Variants in H2AZ1 observed in about 807,000 individuals in gnomAD.
H2AZ1 encodes H2A.Z variant histone 1, also known as histone H2A.Z.
In H2AZ1, 3 loss-of-function variants were observed where a neutral mutation model predicts 16.6. The ratio of observed to expected loss-of-function variants is 0.18; its 90% confidence interval spans 0.08 to 0.47. The LOEUF is 0.47. Among genes scored for constraint, H2AZ1 ranks in the 20% least tolerant of loss-of-function variants. H2AZ1 has a pLI of 0.98. For missense variants in H2AZ1, 27 were observed against 163.6 expected (o/e 0.17, Z 4.55); for synonymous variants, 78 against 60.7 (o/e 1.28, Z -1.32).
intron 2 of H2AZ1, 56 bp from the exon 3 acceptor site, chr4:99,949,442 G>C (rs764001955): frequency 9.0e-6 from 11 of 1,220,062 alleles, no homozygotes; most frequent in Non-Finnish European, 1.3e-5. Flanking sequence ...CTAGAGATGG[G>C]GAAATTATAT....
At position 99,950,275 on chromosome 4, in the gene H2AZ1, C is replaced by T. The variant is rs1003079407; in HGVS notation, c.-105G>A. The T allele has an allele frequency of 2.9e-6, 3 of 1,033,476 alleles. No homozygotes were observed. The highest frequency in any genetic ancestry group is 4.4e-6 in the Non-Finnish European group (3 of 675,636). The allele number at this position is 1,033,476 out of a possible 1,614,324, so 64.0% of individuals were successfully genotyped here. On this transcript the variant is annotated 5_prime_UTR_variant, in exon 1 of 5. Transcript: ENST00000296417. ...CTTCGTCGCACCGCGATTCAAACTG[C>T]GCTGTCTCCCGCCTTCCCTGCTCCC...
chr4:99,948,884 A>C lies in H2AZ1; in HGVS notation c.252T>G (p.Pro84=), dbSNP rs1374733032. 1 of 1,613,610 alleles carries C rather than the reference A, an allele frequency of 6.2e-7. No homozygotes were observed. The highest frequency in any genetic ancestry group is 8.5e-7 in the Non-Finnish European group (1 of 1,179,530). ...SKDLKVKRIT[P]RHLQLAIRGD... is the part of the protein sequence containing the mutation. Reference sequence around the variant, plus strand: ...CACGAATAGCAAGTTGCAAGTGACGAGGGGTAATACGCTTTACCTTTAAGT... The same window carrying C: ...CACGAATAGCAAGTTGCAAGTGACGCGGGGTAATACGCTTTACCTTTAAGT... Residue 84 remains proline (P), a synonymous_variant, in exon 4 of 5, where the codon CCT becomes CCG. Coordinates refer to ENST00000296417, the MANE Select transcript of H2AZ1 (RefSeq NM_002106.4).
rs777545759 is a variant in H2AZ1, at chr4:99,949,321, C to A, written c.147G>T (p.Ala49=). The A allele has an allele frequency of 6.2e-7, 1 of 1,613,168 alleles. No homozygotes were observed. The highest frequency in any genetic ancestry group is 1.1e-5 in the South Asian group (1 of 91,070). Residue 49 remains alanine, a synonymous_variant, in exon 3 of 5, where the codon GCG becomes GCT. Transcript: ENST00000296417. ...SRTTSHGRVG[A]TAAVYSAAIL... is the part of the protein sequence containing the mutation. ...TGGCTGCGCTGTACACAGCGGCAGT[C>A]GCGCCCACACGTCCATGACTGGTCG...
At position 99,950,257 on chromosome 4, in the gene H2AZ1, G is replaced by T. The variant is rs1404036233; in HGVS notation, c.-87C>A. 3.1e-6 allele frequency: 4 copies of T among 1,282,124 alleles called. No individual in the cohort carries two copies. The highest frequency in any genetic ancestry group is 2.9e-5 in the African/African-American group (2 of 69,204). The allele number at this position is 1,282,124 out of a possible 1,614,324, so 79.4% of individuals were successfully genotyped here. ...AGATCCCACCACCTACTCCTTCGTC[G>T]CACCGCGATTCAAACTGCGCTGTCT... On this transcript the variant is annotated 5_prime_UTR_variant, in exon 1 of 5. Transcript: ENST00000296417.
chr4:99,948,418 T>TA lies in H2AZ1; in HGVS notation c.*43dup, dbSNP rs769645467. On this transcript the variant is annotated 3_prime_UTR_variant, in exon 5 of 5. Transcript: ENST00000296417. ...GGAATCACCAACACTGGACAGCTGT[T>TA]AGAGTATTTAGAGTCCTGAGATAAC... 76 of 1,068,660 alleles carry TA rather than the reference T, an allele frequency of 7.1e-5. 1 individual carries two copies. Among genetic ancestry groups the TA allele is most frequent in the East Asian group, 5.2e-4 (22 of 42,412 alleles). The allele number at this position is 1,068,660 out of a possible 1,614,324, so 66.2% of individuals were successfully genotyped here.
At position 99,949,160 on chromosome 4, in the gene H2AZ1, G is replaced by T; in HGVS notation, c.195+113C>A. On this transcript the variant is annotated intron_variant, in intron 3 of 4. Transcript: ENST00000296417. ...CCAGCTCCCTCTAGCGTTCTCTTAGGCCTCTCGCCGCGTTCAGGGCCTGGG... is the reference window on the plus strand; with the variant it reads ...CCAGCTCCCTCTAGCGTTCTCTTAGTCCTCTCGCCGCGTTCAGGGCCTGGG... 1.5e-5 allele frequency: 10 copies of T among 682,438 alleles called. 1 individual carries two copies. The Middle Eastern group carries it at 1.8e-3, about 123-fold the overall frequency. The allele number at this position is 682,438 out of a possible 1,614,324, so 42.3% of individuals were successfully genotyped here.
chr4:99,948,960 A>G lies in H2AZ1; in HGVS notation c.196-20T>C. 1.4e-6 allele frequency: 2 copies of G among 1,412,268 alleles called. No homozygotes were observed. The highest frequency in any genetic ancestry group is 1.2e-5 in the South Asian group (1 of 86,120). The allele number at this position is 1,412,268 out of a possible 1,614,324, so 87.5% of individuals were successfully genotyped here. On this transcript the variant is annotated intron_variant, in intron 3 of 4. Coordinates refer to ENST00000296417, the MANE Select transcript of H2AZ1 (RefSeq NM_002106.4). Reference sequence around the variant, plus strand: ...AAGTACCTAAAAGGCAGAATCTGTCAGTTGCCTTCCAACTTTCCTTTGGCC... The same window carrying G: ...AAGTACCTAAAAGGCAGAATCTGTCGGTTGCCTTCCAACTTTCCTTTGGCC...
intron 1 of H2AZ1, 22 bp downstream of exon 1, chr4:99,950,146 C>T (rs542816803): frequency 1.2e-6 from 2 of 1,608,058 alleles, no homozygotes; most frequent in Non-Finnish European, 1.7e-6. Context: ...GCGGAGTCAT[C>T]GAGCGTCTCT....
rs1263536050 is a variant in H2AZ1, at chr4:99,950,245, T to A, written c.-75A>T. 7.1e-7 allele frequency: 1 copy of A among 1,408,722 alleles called. No homozygotes were observed. The highest frequency in any genetic ancestry group is 9.9e-7 in the Non-Finnish European group (1 of 1,006,036). The allele number at this position is 1,408,722 out of a possible 1,614,324, so 87.3% of individuals were successfully genotyped here. A position where few individuals can be genotyped will look rare whatever the true frequency, so the allele number is the denominator to read the frequency against. ...GGACCCACGGTGAGATCCCACCACC[T>A]ACTCCTTCGTCGCACCGCGATTCAA... On this transcript the variant is annotated 5_prime_UTR_variant, in exon 1 of 5. Transcript: ENST00000296417.
Position 99,950,203 on chromosome 4 carries a change from C to CAGAG in H2AZ1, c.-37_-34dup. 6.2e-7 allele frequency: 1 copy of CAGAG among 1,605,062 alleles called. No homozygotes were observed. Among genetic ancestry groups the CAGAG allele is most frequent in the Non-Finnish European group, 8.5e-7 (1 of 1,175,446 alleles). The stretch of plus-strand genomic sequence containing the variant: ...TCCGCTGAAGCTCAAGCAAGCAAGG[C>CAGAG]AGAGAAAAGGCTAATCGGACCCACG... On this transcript the variant is annotated 5_prime_UTR_variant, in exon 1 of 5. Transcript: ENST00000296417.
chr4:99,949,752 A>C lies in H2AZ1; in HGVS notation c.4-12T>G. On this transcript the variant is annotated splice_polypyrimidine_tract_variant and intron_variant, in intron 1 of 4. Coordinates refer to ENST00000296417, the MANE Select transcript of H2AZ1 (RefSeq NM_002106.4). ...GCCTTACCGCCAGCCTGCGGCGCGC[A>C]CACGCCCGCGAGCGGAGGAGGAACG... 1 of 1,602,598 alleles carries C rather than the reference A, an allele frequency of 6.2e-7. No individual in the cohort carries two copies. Among genetic ancestry groups the C allele is most frequent in the Non-Finnish European group, 8.5e-7 (1 of 1,173,550 alleles).
chr4:99,948,374 C>G lies in H2AZ1; in HGVS notation c.*88G>C, dbSNP rs1727183825. 1 of 870,900 alleles carries G rather than the reference C, an allele frequency of 1.1e-6. No individual in the cohort carries two copies. Among genetic ancestry groups the G allele is most frequent in the African/African-American group, 1.7e-5 (1 of 60,264 alleles). 53.9% of individuals were successfully genotyped at this position (870,900 alleles called of 1,614,324 possible). Reference sequence around the variant, plus strand: ...TACAAAAAGGCAAAATTGTGTTTTTCACAGAGATACAGTCCACTGGAATCA... The same window carrying G: ...TACAAAAAGGCAAAATTGTGTTTTTGACAGAGATACAGTCCACTGGAATCA... On this transcript the variant is annotated 3_prime_UTR_variant, in exon 5 of 5. Transcript: ENST00000296417.
Position 99,948,152 on chromosome 4 carries a change from T to C in H2AZ1, c.*310A>G, listed in dbSNP as rs1301286731. ...GAAATAATGTCTGTACAAAACCAAATGTTTGTTACTATAACTTCTGCATCA... is the reference window on the plus strand; with the variant it reads ...GAAATAATGTCTGTACAAAACCAAACGTTTGTTACTATAACTTCTGCATCA... On this transcript the variant is annotated 3_prime_UTR_variant, in exon 5 of 5. Transcript: ENST00000296417. 2 of 502,016 alleles carry C rather than the reference T, an allele frequency of 4.0e-6. No homozygotes were observed. The highest frequency in any genetic ancestry group is 4.3e-5 in the East Asian group (1 of 23,170). The allele number at this position is 502,016 out of a possible 1,614,324, so 31.1% of individuals were successfully genotyped here.
Position 99,948,425 on chromosome 4 carries a change from T to C in H2AZ1, c.*37A>G, listed in dbSNP as rs929243582. 10 of 1,132,332 alleles carry C rather than the reference T, an allele frequency of 8.8e-6. No individual in the cohort carries two copies. Among genetic ancestry groups the C allele is most frequent in the Non-Finnish European group, 1.4e-5 (10 of 740,620 alleles). The allele number at this position is 1,132,332 out of a possible 1,614,324, so 70.1% of individuals were successfully genotyped here. A position where few individuals can be genotyped will look rare whatever the true frequency, so the allele number is the denominator to read the frequency against. On this transcript the variant is annotated 3_prime_UTR_variant, in exon 5 of 5. Transcript: ENST00000296417. ...CCAACACTGGACAGCTGTTAGAGTA[T>C]TTAGAGTCCTGAGATAACAAGGAAT... is the stretch of plus-strand genomic sequence containing the variant.
chr4:99,950,095 T>A, intron 1 of H2AZ1, 73 bp downstream of exon 1: 2 of 1,490,752 alleles, frequency 1.3e-6, no homozygotes, highest in Non-Finnish European at 1.9e-6. Context: ...TTCACCCCCA[T>A]CCCTCTGTGT....
At position 99,948,344 on chromosome 4, in the gene H2AZ1, A is replaced by G; in HGVS notation, c.*118T>C. On this transcript the variant is annotated 3_prime_UTR_variant, in exon 5 of 5. Coordinates refer to ENST00000296417, the MANE Select transcript of H2AZ1 (RefSeq NM_002106.4). Reference sequence around the variant, plus strand: ...AATTAAACTTCCAACTTGCTCAAATAGAATTACAAAAAGGCAAAATTGTGT... The same window carrying G: ...AATTAAACTTCCAACTTGCTCAAATGGAATTACAAAAAGGCAAAATTGTGT... 1.3e-6 allele frequency: 1 copy of G among 762,918 alleles called. No individual in the cohort carries two copies. The highest frequency in any genetic ancestry group is 2.4e-6 in the Non-Finnish European group (1 of 415,328). The allele number at this position is 762,918 out of a possible 1,614,324, so 47.3% of individuals were successfully genotyped here. A position where few individuals can be genotyped will look rare whatever the true frequency, so the allele number is the denominator to read the frequency against.
chr4:99,949,821 G>A (rs571943657), intron 1 of H2AZ1, 81 bp from the exon 2 acceptor site: 5 of 1,141,166 alleles, frequency 4.4e-6, no homozygotes, highest in South Asian at 1.5e-5. Flanking sequence ...CCCCCACCGC[G>A]GCGCGTCCCG....
intron 3 of H2AZ1, 99 bp downstream of exon 3, chr4:99,949,174 T>A (rs964691313): frequency 8.2e-6 from 6 of 734,704 alleles, no homozygotes; most frequent in Non-Finnish European, 1.4e-5. Context: ...CTCGCCGCGT[T>A]CAGGGCCTGG....
At chr4:99,950,141 G>C in intron 1 of H2AZ1, 27 bp downstream of exon 1, 1 of 1,607,572 alleles carries the variant, frequency 6.2e-7, no homozygotes, top group Non-Finnish European at 8.5e-7. Flanking sequence ...AACCCGCGGA[G>C]TCATCGAGCG....
Sources: allele counts gnomAD v4.1 joint callset, GRCh38; gene constraint gnomAD v4.1.1; transcripts MANE v1.5; gene names NCBI Gene and HGNC (gene_info 2026-07-23, HGNC 2026-07-21).